FBXO32: variants seen among roughly 807,000 people sequenced by gnomAD.
FBXO32 encodes F-box only protein 32.
In FBXO32, 15 loss-of-function variants were observed where a neutral mutation model predicts 48.3. That is an observed-to-expected ratio of 0.31 (90% CI 0.21 to 0.48). FBXO32 has a LOEUF of 0.48. FBXO32 is among the 20% of genes least tolerant of loss of function. FBXO32 has a pLI of 0.99. For synonymous variants in FBXO32, 154 were observed against 165.9 expected (o/e 0.93, Z 0.55); for missense variants, 309 against 432.7 (o/e 0.71, Z 2.54).
At chr8:123,537,337 TA>T (rs1817327707) in intron 1 of FBXO32, among the ~76,000 whole-genome samples, 1 of 152,144 alleles carries the variant, frequency 6.6e-6, no homozygotes, top group African/African-American at 2.4e-5. Flanking sequence ...CACTATTTAC[TA>T]ATCTTGATTT....
chr8:123,530,280 T>G (rs189884274), intron 4 of FBXO32, among the ~76,000 whole-genome samples: 72 of 151,452 alleles, frequency 4.8e-4, no homozygotes. Context: ...AGATGACAGG[T>G]GAAGGATCCA....
At chr8:123,522,849 G>T (rs1191005494) in intron 4 of FBXO32, among the ~76,000 whole-genome samples, 2 of 152,140 alleles carry the variant, frequency 1.3e-5, no homozygotes, top group Non-Finnish European at 2.9e-5. Context: ...AAGGCTCCTA[G>T]ACTGTACTAA....
chr8:123,508,381 T>C (rs745430160), intron 6 of FBXO32, among the ~76,000 whole-genome samples: 2 of 152,032 alleles, frequency 1.3e-5, no homozygotes, highest in African/African-American at 2.4e-5. Flanking sequence ...AAGGCTAAGC[T>C]ATGGAGAAGA....
intron 6 of FBXO32, among the ~76,000 whole-genome samples, chr8:123,509,363 T>C (rs901900914): frequency 1.3e-5 from 2 of 152,190 alleles, no homozygotes; most frequent in Non-Finnish European, 2.9e-5. Flanking sequence ...AAGTCTTTTT[T>C]CTTTCTCTCT....
intron 4 of FBXO32, among the ~76,000 whole-genome samples, chr8:123,517,977 G>C (rs1816873573): frequency 6.6e-6 from 1 of 152,190 alleles, no homozygotes; most frequent in African/African-American, 2.4e-5. Flanking sequence ...GGGCCACGTG[G>C]TCTCTGTAGC....
intron 4 of FBXO32, among the ~76,000 whole-genome samples, chr8:123,531,124 C>T (rs921899178): frequency 6.6e-6 from 1 of 151,814 alleles, no homozygotes; most frequent in South Asian, 2.1e-4. Context: ...GGATTACAGG[C>T]ACCCGCCACC....
rs149827263 is a variant in FBXO32, at chr8:123,521,729, A to G, written c.373-7396T>C. Reference sequence around the variant, plus strand: ...ATCTCGTATAACAGTGGGGTGTTACAGTATGAAGTATGTGTCTGACTGGAA... The same window carrying G: ...ATCTCGTATAACAGTGGGGTGTTACGGTATGAAGTATGTGTCTGACTGGAA... On this transcript the variant is annotated intron_variant, in intron 4 of 8. Transcript: ENST00000517956. Among the ~76,000 whole-genome samples the G allele has an allele frequency of 2.2e-4, 33 of 152,236 alleles. No individual in the cohort carries two copies. In the East Asian group the frequency reaches 6.0e-3, roughly 28 times the overall value.
Position 123,501,454 on chromosome 8 carries a change from A to G in FBXO32, c.*1919T>C, listed in dbSNP as rs1161940696. On this transcript the variant is annotated 3_prime_UTR_variant, in exon 9 of 9. Coordinates refer to ENST00000517956, the MANE Select transcript of FBXO32 (RefSeq NM_058229.4). ...CCAAAGCTCAATCTTACCCAACAAA[A>G]TCCTATTCTTTCATATTTAATTTCT... 1 of 152,138 alleles carries G rather than the reference A, an allele frequency of 6.6e-6. No individual in the cohort carries two copies. The highest frequency in any genetic ancestry group is 2.4e-5 in the African/African-American group (1 of 41,426). 9.4% of individuals were successfully genotyped at this position (152,138 alleles called of 1,614,324 possible). A position where few individuals can be genotyped will look rare whatever the true frequency, so the allele number is the denominator to read the frequency against.
intron 4 of FBXO32, among the ~76,000 whole-genome samples, chr8:123,522,712 T>A (rs959962983): frequency 2.0e-5 from 3 of 152,292 alleles, no homozygotes; most frequent in African/African-American, 7.2e-5. Flanking sequence ...TTCCTTCCCA[T>A]TTCTAGGTTC....
chr8:123,505,394 C>A (rs1816594273), intron 7 of FBXO32, among the ~76,000 whole-genome samples: 1 of 152,186 alleles, frequency 6.6e-6, no homozygotes, highest in Non-Finnish European at 1.5e-5. Flanking sequence ...CACAACAATG[C>A]CTATCCTTCC....
In FBXO32 at chr8:123,499,888, G is replaced by A. The variant is rs1455536063; in HGVS notation, c.*3485C>T. The A allele has an allele frequency of 1.3e-5, 2 of 152,198 alleles. No homozygotes were observed. The highest frequency in any genetic ancestry group is 2.9e-5 in the Non-Finnish European group (2 of 68,040). The allele number at this position is 152,198 out of a possible 1,614,324, so 9.4% of individuals were successfully genotyped here. On this transcript the variant is annotated 3_prime_UTR_variant, in exon 9 of 9. Coordinates refer to ENST00000517956, the MANE Select transcript of FBXO32 (RefSeq NM_058229.4). ...ACACCCGCTACCTTACTGCCCAAGT[G>A]CTAGTAGAACCTGCTCTAGTGTTCA...
At chr8:123,511,021 G>A (rs1027774916) in intron 6 of FBXO32, among the ~76,000 whole-genome samples, 4 of 152,346 alleles carry the variant, frequency 2.6e-5, no homozygotes, top group Admixed American at 6.5e-5. Context: ...GGAGCTCCTC[G>A]TGCAGAAGAG....
chr8:123,514,362 T>A, intron 4 of FBXO32, 29 bp from the exon 5 acceptor site: 1 of 1,578,024 alleles, frequency 6.3e-7, no homozygotes, highest in Non-Finnish European at 8.7e-7. Context: ...GTTGCCAGGC[T>A]TAGAGTACAG....
In FBXO32 at chr8:123,503,255, G is replaced by A. The variant is rs1290580630; in HGVS notation, c.*118C>T. The A allele has an allele frequency of 2.6e-6, 2 of 764,254 alleles. No individual in the cohort carries two copies. Among genetic ancestry groups the A allele is most frequent in the African/African-American group, 1.8e-5 (1 of 57,026 alleles). The allele number at this position is 764,254 out of a possible 1,614,324, so 47.3% of individuals were successfully genotyped here. On this transcript the variant is annotated 3_prime_UTR_variant, in exon 9 of 9. Coordinates refer to ENST00000517956, the MANE Select transcript of FBXO32 (RefSeq NM_058229.4). Reference sequence around the variant, plus strand: ...AATGTCCTCTCCATGACTTATCTCTGAAGTTTCGAGCCAATGTTTAAAATG... The same window carrying A: ...AATGTCCTCTCCATGACTTATCTCTAAAGTTTCGAGCCAATGTTTAAAATG...
intron 4 of FBXO32, among the ~76,000 whole-genome samples, chr8:123,516,542 G>C (rs1039610234): frequency 3.3e-5 from 5 of 152,200 alleles, no homozygotes; most frequent in Admixed American, 1.3e-4. Flanking sequence ...TTGCAGAGGA[G>C]AATGGAAACT....
chr8:123,536,445 G>A (rs549525787), intron 1 of FBXO32, among the ~76,000 whole-genome samples: 1 of 152,306 alleles, frequency 6.6e-6, no homozygotes, highest in South Asian at 2.1e-4. Context: ...TCCAAGGTCA[G>A]AAGGAAAAGA....
intron 1 of FBXO32, among the ~76,000 whole-genome samples, chr8:123,538,771 T>G (rs771551109): frequency 2.0e-5 from 3 of 152,140 alleles, no homozygotes; most frequent in African/African-American, 7.2e-5. Context: ...TGATGATGGA[T>G]GTGACAGCTC....
rs1816636380 is a variant in FBXO32 at position 123,506,888 on chromosome 8, T to C, written c.652-314A>G. ...TTACTCAGTTCACACAATTACAAGG[T>C]TCGCTGCTTTCCTGAAGGCCTCACT... On this transcript the variant is annotated intron_variant, in intron 6 of 8. Transcript: ENST00000517956. The surrounding 1 kb of genome is among the most constrained non-coding windows in gnomAD (Gnocchi z 4.0). 6.6e-6 allele frequency among the ~76,000 whole-genome samples: 1 copy of C among 152,156 alleles called. No individual in the cohort carries two copies. The highest frequency in any genetic ancestry group is 2.4e-5 in the African/African-American group (1 of 41,426).
At chr8:123,518,719 T>C (rs1816888260) in intron 4 of FBXO32, among the ~76,000 whole-genome samples, 1 of 152,200 alleles carries the variant, frequency 6.6e-6, no homozygotes, top group Non-Finnish European at 1.5e-5. Context: ...CATTTAACCA[T>C]TGAGGATATT....
Sources: gnomAD v4.1 joint callset for allele counts (sites outside exome capture counted in the v4.1 genomes callset) on GRCh38, gnomAD v4.1.1 for gene constraint, Gnocchi (gnomAD v3.1) non-coding constraint, MANE v1.5 for transcripts, NCBI Gene and HGNC (gene_info 2026-07-23, HGNC 2026-07-21) for gene names.